Variants in FBXL7 observed in about 807,000 individuals in gnomAD.
FBXL7 encodes the protein F-box and leucine rich repeat protein 7.
Under a neutral mutation model 38.3 loss-of-function variants are expected in FBXL7, and 12 were observed. That is an observed-to-expected ratio of 0.31 (90% confidence interval 0.20 to 0.51). FBXL7 has a LOEUF of 0.51. FBXL7 is among the 20% of genes least tolerant of loss of function. The pLI is 0.98. For missense variants in FBXL7, 567 were observed against 676.4 expected, an observed-to-expected ratio of 0.84 and a Z score of 1.79; for synonymous variants, 297 against 300.9, an observed-to-expected ratio of 0.99 and a Z score of 0.13.
chr5:15,594,895 T>C (rs937363934), intron 1 of FBXL7, among the ~76,000 whole-genome samples: 1 of 152,224 alleles, frequency 6.6e-6, no homozygotes, highest in Non-Finnish European at 1.5e-5. Context: ...TTAGCTGCCT[T>C]GCTATGATCC....
intron 2 of FBXL7, among the ~76,000 whole-genome samples, chr5:15,789,978 G>T (rs76732640): frequency 0.037 from 5,686 of 152,216 alleles, 296 homozygotes; most frequent in East Asian, 0.29. Flanking sequence ...ATGCTGCATA[G>T]GCCCCCGTGG....
chr5:15,500,815 C>T (rs182287914), intron 1 of FBXL7, 102 bp downstream of exon 1: 49 of 1,431,686 alleles, frequency 3.4e-5, no homozygotes, highest in Non-Finnish European at 4.3e-5. Context: ...GGCCGTGACG[C>T]ACCCCATTTG....
Position 15,707,174 on chromosome 5 carries a change from G to GTTTTTTTTTTTTTTTTTT in FBXL7, c.127+91108_127+91125dup, listed in dbSNP as rs71603796. Among the ~76,000 whole-genome samples the GTTTTTTTTTTTTTTTTTT allele has an allele frequency of 1.4e-3, 97 of 70,412 alleles. 1 individual carries two copies. The highest frequency in any genetic ancestry group is 1.8e-3 in the African/African-American group (30 of 17,130). The allele number at this position is 70,412 out of a possible 152,430, so 46.2% of individuals were successfully genotyped here. On this transcript the variant is annotated intron_variant, in intron 2 of 3. Transcript: ENST00000504595. ...AGGTAGTGTTTCTTTTTTTCTTTTC[G>GTTTTTTTTTTTTTTTTTT]TTTTTTTTTTTTTTTTTTTTTTTGC...
chr5:15,865,250 T>C (rs560263025), intron 2 of FBXL7, among the ~76,000 whole-genome samples: 48 of 152,212 alleles, frequency 3.2e-4, no homozygotes, highest in Non-Finnish European at 1.3e-4. Context: ...TCCATCTAAA[T>C]GCTACGAGCT....
chr5:15,542,839 TC>T (rs908036049), intron 1 of FBXL7, among the ~76,000 whole-genome samples: 18 of 152,190 alleles, frequency 1.2e-4, no homozygotes, highest in Non-Finnish European at 1.5e-5. Context: ...TATATTGATG[TC>T]CCTATGATTT....
chr5:15,786,228 G>A (rs559948059), intron 2 of FBXL7, among the ~76,000 whole-genome samples: 1 of 152,138 alleles, frequency 6.6e-6, no homozygotes, highest in South Asian at 2.1e-4. Flanking sequence ...AAATTAGATG[G>A]CATTAGAGAG....
chr5:15,900,651 A>G (rs1168296490), intron 2 of FBXL7, among the ~76,000 whole-genome samples: 1 of 152,254 alleles, frequency 6.6e-6, no homozygotes, highest in Non-Finnish European at 1.5e-5. Flanking sequence ...AGCAAACATC[A>G]TAGTACATCA....
At chr5:15,919,301 A>G (rs1056983103) in intron 2 of FBXL7, among the ~76,000 whole-genome samples, 3 of 152,220 alleles carry the variant, frequency 2.0e-5, no homozygotes, top group Non-Finnish European at 4.4e-5. Flanking sequence ...ACAGGCAGCT[A>G]TCTAGTTAAA....
At chr5:15,793,821 T>A (rs1737341675) in intron 2 of FBXL7, among the ~76,000 whole-genome samples, 1 of 151,256 alleles carries the variant, frequency 6.6e-6, no homozygotes, top group South Asian at 2.1e-4. Context: ...CTGCCCTGAT[T>A]GTGGCAGAGT....
At chr5:15,861,182 T>C (rs967456966) in intron 2 of FBXL7, among the ~76,000 whole-genome samples, 1 of 152,196 alleles carries the variant, frequency 6.6e-6, no homozygotes, top group African/African-American at 2.4e-5. Context: ...AGGAGTGCCA[T>C]TGTCATCACA....
intron 1 of FBXL7, among the ~76,000 whole-genome samples, chr5:15,587,234 C>G (rs1379491989): frequency 6.6e-6 from 1 of 152,168 alleles, no homozygotes; most frequent in Non-Finnish European, 1.5e-5. Flanking sequence ...CTGGAATGCA[C>G]CTGGCTGATG....
intron 2 of FBXL7, among the ~76,000 whole-genome samples, chr5:15,787,719 A>G (rs188918406): frequency 4.0e-4 from 61 of 152,336 alleles, no homozygotes; most frequent in Non-Finnish European, 3.4e-4. Flanking sequence ...AAGGAAAGAA[A>G]TTAAATTTAG....
intron 1 of FBXL7, among the ~76,000 whole-genome samples, chr5:15,609,644 C>T (rs1740157338): frequency 6.6e-6 from 1 of 152,140 alleles, no homozygotes. Context: ...AAGGCAAGCC[C>T]CCAACAGACT....
intron 1 of FBXL7, among the ~76,000 whole-genome samples, chr5:15,579,066 G>A (rs986632422): frequency 6.6e-5 from 10 of 152,164 alleles, no homozygotes; most frequent in Admixed American, 2.0e-4. Context: ...ACAGTGTCAC[G>A]TTCTTTAACT....
chr5:15,669,340 C>T lies in FBXL7; in HGVS notation c.127+53268C>T, dbSNP rs562728614. ...AGGAATTTTAAGCACCAAGAAAATG[C>T]GCTTCTCAGACTCTTACTGAGGGGG... On this transcript the variant is annotated intron_variant, in intron 2 of 3. Coordinates refer to ENST00000504595, the MANE Select transcript of FBXL7 (RefSeq NM_012304.5). 2.4e-4 allele frequency among the ~76,000 whole-genome samples: 37 copies of T among 152,234 alleles called. No individual in the cohort carries two copies. In the South Asian group the frequency reaches 6.6e-3, roughly 27 times the overall value.
chr5:15,878,825 T>C (rs1740321391), intron 2 of FBXL7, among the ~76,000 whole-genome samples: 1 of 152,206 alleles, frequency 6.6e-6, no homozygotes, highest in Admixed American at 6.5e-5. Flanking sequence ...AGCCTCCTTC[T>C]CACTTTTCAA....
chr5:15,678,941 T>A (rs1049623907), intron 2 of FBXL7, among the ~76,000 whole-genome samples: 4 of 152,240 alleles, frequency 2.6e-5, no homozygotes, highest in African/African-American at 9.6e-5. Flanking sequence ...AAAGTGCATT[T>A]GAATATCATA....
intron 2 of FBXL7, among the ~76,000 whole-genome samples, chr5:15,732,447 GT>G (rs1359036256): frequency 6.6e-6 from 1 of 152,050 alleles, no homozygotes; most frequent in Non-Finnish European, 1.5e-5. Flanking sequence ...GGCTTTCAGT[GT>G]TCTTTTTTTT....
chr5:15,675,819 G>A (rs563412925), intron 2 of FBXL7, among the ~76,000 whole-genome samples: 6 of 152,204 alleles, frequency 3.9e-5, no homozygotes, highest in African/African-American at 1.2e-4. Context: ...GATTTCTTTC[G>A]ACACCGAAGA....
Sources: allele counts gnomAD v4.1 joint callset (sites outside exome capture counted in the v4.1 genomes callset), GRCh38; gene constraint gnomAD v4.1.1; transcripts MANE v1.5; gene names NCBI Gene and HGNC (gene_info 2026-07-23, HGNC 2026-07-21).